Variants in ZMYND8 observed in about 807,000 individuals in gnomAD.
The protein encoded by ZMYND8 is zinc finger MYND-type containing 8.
In ZMYND8, 37 loss-of-function variants were observed where a neutral mutation model predicts 140.8. The observed-to-expected ratio is 0.26, with a 90% CI of 0.20 to 0.35. The LOEUF (loss-of-function observed/expected upper bound fraction) is 0.35. ZMYND8 is among the 10% of genes least tolerant of loss of function. ZMYND8 has a pLI of 1.00. For missense variants in ZMYND8, 1,068 were observed against 1,570.0 expected (o/e 0.68, Z 5.40); for synonymous variants, 592 against 597.1 (o/e 0.99, Z 0.12).
rs145228971 is a variant in ZMYND8 at position 47,291,839 on chromosome 20, G to A, written c.617C>T (p.Ala206Val). The A allele has an allele frequency of 6.2e-6, 10 of 1,612,976 alleles. No individual in the cohort carries two copies. Among genetic ancestry groups the A allele is most frequent in the East Asian group, 2.2e-5 (1 of 44,834 alleles). Residue 206 changes from alanine (A) to valine (V), a missense_variant, in exon 6 of 23, where the codon GCG (alanine) becomes GTG (valine). Ala to Val is a moderately conservative substitution (Grantham distance 64). This residue lies in a region of ZMYND8 where 109 missense variants were observed against 314.9 expected (regional missense o/e 0.35). Transcript: ENST00000471951. ...GTCCATTGGATGGAAGATGTATTCCGCATAGTCAGGGTGCTGTTCCAATGG... is the reference window on the plus strand; with the variant it reads ...GTCCATTGGATGGAAGATGTATTCCACATAGTCAGGGTGCTGTTCCAATGG... ...PVPLEQHPDY[A>V]EYIFHPMDLC...
chr20:47,302,888 C>T (rs545083551), intron 3 of ZMYND8, among the ~76,000 whole-genome samples: 65 of 152,266 alleles, frequency 4.3e-4, no homozygotes, highest in South Asian at 1.9e-3. Context: ...GCATCCAGGG[C>T]ACAGGCTCTC....
intron 12 of ZMYND8, among the ~76,000 whole-genome samples, chr20:47,253,554 A>G (rs1329941897): frequency 6.9e-6 from 1 of 144,428 alleles, no homozygotes; most frequent in Non-Finnish European, 1.5e-5. Context: ...AAAAAAAAAA[A>G]CCACACCAAC....
At chr20:47,277,973 T>C (rs2076361563) in intron 10 of ZMYND8, among the ~76,000 whole-genome samples, 1 of 151,766 alleles carries the variant, frequency 6.6e-6, no homozygotes, top group Non-Finnish European at 1.5e-5. Context: ...GCCCAGTCTT[T>C]TTTGCTTGTT....
At chr20:47,291,179 T>C (rs1026770506) in intron 6 of ZMYND8, among the ~76,000 whole-genome samples, 1 of 152,200 alleles carries the variant, frequency 6.6e-6, no homozygotes, top group African/African-American at 2.4e-5. Flanking sequence ...TGGGAGTTAT[T>C]GGGGAAGACA....
At position 47,315,811 on chromosome 20, in the gene ZMYND8, C is replaced by A. The variant is rs542880382; in HGVS notation, c.86-5607G>T. 6.9e-4 allele frequency among the ~76,000 whole-genome samples: 105 copies of A among 152,234 alleles called. 1 individual carries two copies. The highest frequency in any genetic ancestry group is 2.0e-3 in the Admixed American group (30 of 15,284). Reference sequence around the variant, plus strand: ...TTTTCTGAGGGAGTAGGACCTGTGACCCCGCCCGGCTGGCTCACTCACAAC... The same window carrying A: ...TTTTCTGAGGGAGTAGGACCTGTGAACCCGCCCGGCTGGCTCACTCACAAC... On this transcript the variant is annotated intron_variant, in intron 2 of 22. Transcript: ENST00000471951.
At chr20:47,262,697 G>A (rs1353972751) in intron 11 of ZMYND8, among the ~76,000 whole-genome samples, 6 of 152,142 alleles carry the variant, frequency 3.9e-5, no homozygotes, top group South Asian at 2.1e-4. Flanking sequence ...AAGACAAATC[G>A]GCTAAGCTGC....
At chr20:47,220,754 C>G (rs2036826163) in intron 20 of ZMYND8, among the ~76,000 whole-genome samples, 1 of 152,072 alleles carries the variant, frequency 6.6e-6, no homozygotes, top group South Asian at 2.1e-4. Context: ...TTATCTTTTT[C>G]CTAATATGCA....
intron 3 of ZMYND8, among the ~76,000 whole-genome samples, chr20:47,299,533 A>G (rs552178495): frequency 6.6e-6 from 1 of 152,298 alleles, no homozygotes; most frequent in East Asian, 1.9e-4. Flanking sequence ...AGAATAGATC[A>G]ATAGGGTTTC....
intron 21 of ZMYND8, among the ~76,000 whole-genome samples, chr20:47,212,946 G>A (rs1345241520): frequency 6.6e-6 from 1 of 152,138 alleles, no homozygotes; most frequent in Admixed American, 6.5e-5. Context: ...ACACAGCACA[G>A]CATTACAGGT....
intron 3 of ZMYND8, among the ~76,000 whole-genome samples, chr20:47,306,818 G>GCCAA (rs1246024750): frequency 1.8e-4 from 27 of 152,216 alleles, no homozygotes; most frequent in African/African-American, 6.0e-4. Context: ...AGACGACAGT[G>GCCAA]GAGAATCTTC....
chr20:47,231,245 G>A (rs566323419), intron 16 of ZMYND8, among the ~76,000 whole-genome samples: 1 of 152,260 alleles, frequency 6.6e-6, no homozygotes, highest in East Asian at 1.9e-4. Flanking sequence ...GCAGAAAGAG[G>A]AGGGGACAAG....
intron 2 of ZMYND8, among the ~76,000 whole-genome samples, chr20:47,343,537 A>C (rs566367238): frequency 9.2e-5 from 14 of 152,140 alleles, no homozygotes; most frequent in African/African-American, 3.4e-4. Context: ...TTTTTGAGAC[A>C]CAGTGTCACT....
chr20:47,287,187 CCTT>C, intron 8 of ZMYND8, 39 bp downstream of exon 8: 1 of 1,575,398 alleles, frequency 6.3e-7, no homozygotes, highest in Non-Finnish European at 8.7e-7. Flanking sequence ...CCCATCCCCT[CCTT>C]CTGGGTGCAT....
chr20:47,249,237 A>G, intron 13 of ZMYND8, 50 bp downstream of exon 13: 1 of 1,590,114 alleles, frequency 6.3e-7, no homozygotes, highest in Non-Finnish European at 8.6e-7. Context: ...CCCTACCAGT[A>G]ATGATAACAA....
At chr20:47,280,211 C>T (rs951877771) in intron 10 of ZMYND8, among the ~76,000 whole-genome samples, 1 of 151,978 alleles carries the variant, frequency 6.6e-6, no homozygotes, top group Non-Finnish European at 1.5e-5. Flanking sequence ...AGTTGTTTCT[C>T]TACCACTGTG....
chr20:47,356,606 C>A (rs767132104), intron 1 of ZMYND8, 51 bp downstream of exon 1: 3 of 1,613,872 alleles, frequency 1.9e-6, no homozygotes, highest in Non-Finnish European at 1.7e-6. Flanking sequence ...GCCCACAATT[C>A]GGATGTCTCA....
intron 2 of ZMYND8, among the ~76,000 whole-genome samples, chr20:47,342,351 C>G (rs1306273262): frequency 6.6e-6 from 1 of 150,808 alleles, no homozygotes; most frequent in Non-Finnish European, 1.5e-5. Context: ...TCGAGACTAG[C>G]CTGGCCAACA....
At chr20:47,228,952 G>A (rs1360412657) in intron 17 of ZMYND8, among the ~76,000 whole-genome samples, 1 of 152,012 alleles carries the variant, frequency 6.6e-6, no homozygotes. Context: ...AGTTCAGGGA[G>A]GTGTATTTTT....
chr20:47,237,527 G>A (rs2039406268), intron 15 of ZMYND8: 1 of 152,118 alleles, frequency 6.6e-6, no homozygotes, highest in South Asian at 2.1e-4. Context: ...CAGAAGACAG[G>A]AAGCCGCAAT....
Sources: allele counts gnomAD v4.1 joint callset (sites outside exome capture counted in the v4.1 genomes callset), GRCh38; gene constraint gnomAD v4.1.1; regional missense constraint gnomAD v4.1.1; transcripts MANE v1.5; gene names NCBI Gene and HGNC (gene_info 2026-07-23, HGNC 2026-07-21).